SRBD1: variants seen among roughly 807,000 people sequenced by gnomAD.
SRBD1 encodes S1 RNA-binding domain-containing protein 1.
A neutral mutation model predicts 115.3 loss-of-function variants in SRBD1; 88 were observed. The ratio of observed to expected loss-of-function variants is 0.76; its 90% CI spans 0.64 to 0.91. The LOEUF (loss-of-function observed/expected upper bound fraction) is 0.91. Among genes scored for constraint, SRBD1 ranks in the 40% least tolerant of loss-of-function variants. SRBD1 has a pLI of 0.00. For synonymous variants in SRBD1, 509 were observed against 407.7 expected (o/e 1.25, Z -2.99); for missense variants, 1,385 against 1,177.4 (o/e 1.18, Z -2.58).
chr2:45,555,065 G>A lies in SRBD1; in HGVS notation c.1410-1335C>T, dbSNP rs144999320. On this transcript the variant is annotated intron_variant, in intron 10 of 20. Coordinates refer to ENST00000263736, the MANE Select transcript of SRBD1 (RefSeq NM_018079.5). Reference sequence around the variant, plus strand: ...ACCAATCAAAGACCACAAATTTCCAGCTCCTTTCCCTCCACGATCCCCTTA... The same window carrying A: ...ACCAATCAAAGACCACAAATTTCCAACTCCTTTCCCTCCACGATCCCCTTA... 2.4e-3 allele frequency among the ~76,000 whole-genome samples: 361 copies of A among 150,996 alleles called. 2 individuals carry two copies. The highest frequency in any genetic ancestry group is 8.4e-3 in the African/African-American group (346 of 41,122).
At chr2:45,585,509 A>G in intron 5 of SRBD1, 99 bp downstream of exon 5, 1 of 1,329,330 alleles carries the variant, frequency 7.5e-7, no homozygotes, top group African/African-American at 1.5e-5. Flanking sequence ...CAAGGAAACA[A>G]AATGTTGAAA....
intron 14 of SRBD1, among the ~76,000 whole-genome samples, chr2:45,494,531 A>C (rs936539829): frequency 6.6e-6 from 1 of 152,252 alleles, no homozygotes; most frequent in African/African-American, 2.4e-5. Context: ...AGAAAAGTCA[A>C]GAATAAGTTC....
chr2:45,429,167 C>T (rs980821484), intron 16 of SRBD1, among the ~76,000 whole-genome samples: 5 of 151,994 alleles, frequency 3.3e-5, no homozygotes, highest in African/African-American at 1.2e-4. Flanking sequence ...AGCCTACCAA[C>T]CAAAAAAGCC....
At chr2:45,519,789 A>G (rs1298260435) in intron 14 of SRBD1, among the ~76,000 whole-genome samples, 1 of 152,200 alleles carries the variant, frequency 6.6e-6, no homozygotes, top group African/African-American at 2.4e-5. Flanking sequence ...TGTCTCTGCT[A>G]TACAGTAATG....
intron 14 of SRBD1, among the ~76,000 whole-genome samples, chr2:45,507,117 T>C (rs1411690756): frequency 6.6e-6 from 1 of 152,200 alleles, no homozygotes; most frequent in Non-Finnish European, 1.5e-5. Context: ...GAAATGTTTA[T>C]TGCTTAAGAT....
intron 15 of SRBD1, among the ~76,000 whole-genome samples, chr2:45,485,936 C>A (rs1670106486): frequency 6.6e-6 from 1 of 152,158 alleles, no homozygotes; most frequent in Non-Finnish European, 1.5e-5. Flanking sequence ...ATTTTAAAGA[C>A]TCAAAGTTTC....
intron 16 of SRBD1, among the ~76,000 whole-genome samples, chr2:45,423,606 G>A (rs1668069283): frequency 6.6e-6 from 1 of 152,014 alleles, no homozygotes. Flanking sequence ...TTTCATTGGT[G>A]AATTCTACCA....
intron 14 of SRBD1, among the ~76,000 whole-genome samples, chr2:45,517,914 T>A (rs1170481718): frequency 6.6e-6 from 1 of 151,986 alleles, no homozygotes; most frequent in East Asian, 1.9e-4. Flanking sequence ...GGTTGGAGGA[T>A]CCCTTGAGCC....
intron 16 of SRBD1, among the ~76,000 whole-genome samples, chr2:45,468,480 C>A (rs902726978): frequency 6.6e-6 from 1 of 151,812 alleles, no homozygotes; most frequent in Non-Finnish European, 1.5e-5. Flanking sequence ...CTTTATCTTC[C>A]GGGCCCAAGT....
At chr2:45,445,494 T>C (rs17033679) in intron 16 of SRBD1, among the ~76,000 whole-genome samples, 7,008 of 130,538 alleles carry the variant, frequency 0.054, 342 homozygotes, top group Admixed American at 0.19. Context: ...GGGGTCACAA[T>C]GAGGCAAGTT....
chr2:45,606,929 A>G (rs1572835440), intron 1 of SRBD1, among the ~76,000 whole-genome samples: 1 of 152,170 alleles, frequency 6.6e-6, no homozygotes, highest in East Asian at 1.9e-4. Context: ...AGAGGAAATA[A>G]TCTCTCATGG....
intron 19 of SRBD1, among the ~76,000 whole-genome samples, chr2:45,411,108 G>A (rs1276152284): frequency 2.6e-5 from 4 of 152,132 alleles, no homozygotes; most frequent in African/African-American, 7.2e-5. Flanking sequence ...GTAGTTCTGA[G>A]CCCTCAACCT....
At chr2:45,519,324 T>C (rs1051606770) in intron 14 of SRBD1, among the ~76,000 whole-genome samples, 3 of 152,248 alleles carry the variant, frequency 2.0e-5, no homozygotes, top group South Asian at 4.1e-4. Context: ...CTGGCCTCAC[T>C]ACCACCTCAC....
In SRBD1 at chr2:45,418,454, C is replaced by T. The variant is rs370003957; in HGVS notation, c.2244G>A (p.Leu748=). ...KNGPFINREQ[L]KKVKGLGPKS... ...TTGGGCCCAGCCCTTTCACTTTCTT[C>T]AGCTGTTCTCGGTTGATAAAGGGTC... Residue 748 remains leucine, a synonymous_variant, in exon 18 of 21, where the codon CTG becomes CTA. Transcript: ENST00000263736. 239 of 1,613,726 alleles carry T rather than the reference C, an allele frequency of 1.5e-4. No homozygotes were observed. Among genetic ancestry groups the T allele is most frequent in the Non-Finnish European group, 1.9e-4 (229 of 1,179,964 alleles).
At chr2:45,420,117 G>A (rs573646120) in intron 16 of SRBD1, among the ~76,000 whole-genome samples, 36 of 152,288 alleles carry the variant, frequency 2.4e-4, no homozygotes, top group African/African-American at 7.7e-4. Context: ...AACAGTACCA[G>A]TATTTTTCCC....
chr2:45,586,985 A>T (rs867090893), intron 4 of SRBD1, among the ~76,000 whole-genome samples: 69 of 47,506 alleles, frequency 1.5e-3, no homozygotes, highest in South Asian at 4.5e-3. Context: ...AATATTTAAA[A>T]TTATTTTAAA....
At chr2:45,563,032 C>G (rs898295464) in intron 9 of SRBD1, among the ~76,000 whole-genome samples, 1 of 152,120 alleles carries the variant, frequency 6.6e-6, no homozygotes, top group African/African-American at 2.4e-5. Flanking sequence ...TCAGATTCTA[C>G]TAATTGAAAA....
intron 14 of SRBD1, among the ~76,000 whole-genome samples, chr2:45,511,577 C>T (rs997911472): frequency 2.0e-5 from 3 of 152,156 alleles, no homozygotes; most frequent in Non-Finnish European, 4.4e-5. Flanking sequence ...CCTAAGTTTA[C>T]GGTTTGGCAA....
In SRBD1 at chr2:45,415,671, G is replaced by T. The variant is rs1332264776; in HGVS notation, c.2334-2378C>A. ...GGGGAGGGGAGGGGAGGGGAGGGGAGGGGAGGGGAGGGGACGGGAGAGGAG... is the reference window on the plus strand; with the variant it reads ...GGGGAGGGGAGGGGAGGGGAGGGGATGGGAGGGGAGGGGACGGGAGAGGAG... On this transcript the variant is annotated intron_variant, in intron 18 of 20. Coordinates refer to ENST00000263736, the MANE Select transcript of SRBD1 (RefSeq NM_018079.5). Among the ~76,000 whole-genome samples the T allele has an allele frequency of 1.4e-3, 61 of 42,548 alleles. 5 individuals are homozygous for T. The highest frequency in any genetic ancestry group is 2.6e-3 in the Non-Finnish European group (54 of 20,994). The allele number at this position is 42,548 out of a possible 152,430, so 27.9% of individuals were successfully genotyped here.
Sources: allele counts gnomAD v4.1 joint callset (sites outside exome capture counted in the v4.1 genomes callset), GRCh38; gene constraint gnomAD v4.1.1; transcripts MANE v1.5; gene names NCBI Gene and HGNC (gene_info 2026-07-23, HGNC 2026-07-21).